Variants in DEPTOR observed in about 807,000 individuals in gnomAD.
The protein encoded by DEPTOR is DEP domain-containing mTOR-interacting protein.
Under a neutral mutation model 41.6 loss-of-function variants are expected in DEPTOR, and 41 were observed. The ratio of observed to expected loss-of-function variants is 0.98; its 90% CI spans 0.77 to 1.28. DEPTOR has a LOEUF of 1.28. Ranked by LOEUF, DEPTOR falls within the 50% of genes most tolerant of loss-of-function variation. DEPTOR has a pLI of 0.00. For synonymous variants in DEPTOR, 195 were observed against 192.3 expected (o/e 1.01, Z -0.12); for missense variants, 514 against 527.9 (o/e 0.97, Z 0.26).
intron 4 of DEPTOR, among the ~76,000 whole-genome samples, chr8:119,991,725 G>T (rs572584388): frequency 6.6e-6 from 1 of 152,084 alleles, no homozygotes; most frequent in South Asian, 2.1e-4. Context: ...GTGTACTAAG[G>T]TTAATAGCCT....
rs1812443918 is a variant in DEPTOR, at chr8:120,006,735, A to T, written c.926-70A>T. 2.2e-6 allele frequency: 3 copies of T among 1,394,470 alleles called. No individual in the cohort carries two copies. The Admixed American group carries it at 5.1e-5, about 24-fold the overall frequency. The allele number at this position is 1,394,470 out of a possible 1,614,324, so 86.4% of individuals were successfully genotyped here. The stretch of plus-strand genomic sequence containing the variant: ...TGATGGTCACCTACGAGATATCAAT[A>T]AATAGCTGCTGAATGCATGGATAGA... On this transcript the variant is annotated intron_variant, in intron 6 of 8. Coordinates refer to ENST00000286234, the MANE Select transcript of DEPTOR (RefSeq NM_022783.4).
intron 1 of DEPTOR, among the ~76,000 whole-genome samples, chr8:119,897,198 T>C (rs1827531154): frequency 6.6e-6 from 1 of 150,700 alleles, no homozygotes; most frequent in Non-Finnish European, 1.5e-5. Context: ...GTTTTACACA[T>C]AAGGGATAGA....
chr8:119,985,313 T>G (rs1282305783), intron 4 of DEPTOR, among the ~76,000 whole-genome samples: 1 of 152,206 alleles, frequency 6.6e-6, no homozygotes, highest in Non-Finnish European at 1.5e-5. Flanking sequence ...CCAGTGATGA[T>G]GAGCTTTTTT....
chr8:119,985,826 C>CTTTTTTTTTTTTTTTTTTTTTTTTTTTTT (rs999602227), intron 4 of DEPTOR, among the ~76,000 whole-genome samples: 2 of 41,604 alleles, frequency 4.8e-5, no homozygotes, highest in African/African-American at 1.1e-4. Context: ...AACCCCTGCT[C>CTTTTTTTTTTTTTTTTTTTTTTTTTTTTT]TTTTTTTTTT....
intron 4 of DEPTOR, among the ~76,000 whole-genome samples, chr8:119,966,098 T>C (rs146929057): frequency 6.6e-6 from 1 of 152,334 alleles, no homozygotes; most frequent in Non-Finnish European, 1.5e-5. Context: ...TAACAACTAC[T>C]TACAGAGTGT....
At chr8:119,977,565 G>A (rs908946) in intron 4 of DEPTOR, among the ~76,000 whole-genome samples, 112,950 of 152,130 alleles carry the variant, frequency 0.74, 42,097 homozygotes, top group Middle Eastern at 0.86. Flanking sequence ...ACTTTCTATT[G>A]TAGCTGAATC....
intron 8 of DEPTOR, among the ~76,000 whole-genome samples, chr8:120,033,697 C>T (rs1812930858): frequency 6.6e-6 from 1 of 152,150 alleles, no homozygotes; most frequent in South Asian, 2.1e-4. Context: ...GTGCTAGGCT[C>T]CTAAAGATGA....
chr8:119,892,845 C>T (rs1318737856), intron 1 of DEPTOR, among the ~76,000 whole-genome samples: 9 of 151,382 alleles, frequency 5.9e-5, no homozygotes, highest in African/African-American at 4.9e-5. Context: ...TGCAGTGGCA[C>T]GATCTTGGCT....
intron 8 of DEPTOR, among the ~76,000 whole-genome samples, chr8:120,012,506 A>T (rs1238084035): frequency 1.3e-5 from 2 of 150,610 alleles, no homozygotes; most frequent in Non-Finnish European, 3.0e-5. Context: ...GGCAATGGGA[A>T]TTTTTTTTTT....
In DEPTOR at chr8:120,009,064, G is replaced by A. The variant is rs777647166; in HGVS notation, c.1032G>A (p.Val344=). Residue 344 remains valine, a synonymous_variant, in exon 8 of 9, where the codon GTG becomes GTA. Coordinates refer to ENST00000286234, the MANE Select transcript of DEPTOR (RefSeq NM_022783.4). ...ACGCGGTTGGCTGGGGTTTTGTGGTGCGAGGAAGTAAGCCATGCCACATCC... is the reference window on the plus strand; with the variant it reads ...ACGCGGTTGGCTGGGGTTTTGTGGTACGAGGAAGTAAGCCATGCCACATCC... ...VGDAVGWGFV[V]RGSKPCHIQA... is the part of the protein sequence containing the mutation. The A allele has an allele frequency of 2.5e-6, 4 of 1,614,076 alleles. No individual in the cohort carries two copies. Among genetic ancestry groups the A allele is most frequent in the Non-Finnish European group, 3.4e-6 (4 of 1,180,008 alleles).
chr8:119,890,329 G>A (rs555872046), intron 1 of DEPTOR, among the ~76,000 whole-genome samples: 5 of 151,672 alleles, frequency 3.3e-5, no homozygotes, highest in Admixed American at 3.3e-4. Context: ...TTGAGACAGG[G>A]TCTCACTCTG....
intron 1 of DEPTOR, among the ~76,000 whole-genome samples, chr8:119,874,651 G>A (rs900459201): frequency 1.3e-5 from 2 of 152,024 alleles, no homozygotes; most frequent in Non-Finnish European, 1.5e-5. Context: ...CCAACTCCCC[G>A]GGCTCGCACG....
At chr8:120,033,274 A>G (rs962013404) in intron 8 of DEPTOR, among the ~76,000 whole-genome samples, 1 of 151,868 alleles carries the variant, frequency 6.6e-6, no homozygotes, top group African/African-American at 2.4e-5. Flanking sequence ...TTTAGTAGAG[A>G]CAGGGTTTCG....
At chr8:119,981,121 C>T (rs542457458) in intron 4 of DEPTOR, among the ~76,000 whole-genome samples, 9 of 152,298 alleles carry the variant, frequency 5.9e-5, no homozygotes, top group African/African-American at 2.2e-4. Context: ...AAGTTCCAAA[C>T]AACTGTTCTA....
chr8:119,972,651 G>A (rs1239866720), intron 4 of DEPTOR, among the ~76,000 whole-genome samples: 1 of 150,206 alleles, frequency 6.7e-6, no homozygotes, highest in Non-Finnish European at 1.5e-5. Context: ...AAAAAGTAAT[G>A]TGCTGAAGAT....
At chr8:119,941,521 C>T (rs1828204035) in intron 3 of DEPTOR, among the ~76,000 whole-genome samples, 1 of 151,702 alleles carries the variant, frequency 6.6e-6, no homozygotes, top group South Asian at 2.1e-4. Context: ...TATCAGTGTA[C>T]TGGCAAGCAA....
Position 119,991,127 on chromosome 8 carries a change from A to T in DEPTOR, c.605-10398A>T, listed in dbSNP as rs1164595855. 3.2e-4 allele frequency among the ~76,000 whole-genome samples: 29 copies of T among 89,474 alleles called. 2 individuals are homozygous for T. The highest frequency in any genetic ancestry group is 2.7e-3 in the Admixed American group (21 of 7,692). The allele number at this position is 89,474 out of a possible 152,430, so 58.7% of individuals were successfully genotyped here. A position where few individuals can be genotyped will look rare whatever the true frequency, so the allele number is the denominator to read the frequency against. ...TTCTTTCTTTCTTTCTTTTTTTTTT[A>T]AATCTTTTATTCTTGGTTTGGGGGT... On this transcript the variant is annotated intron_variant, in intron 4 of 8. Coordinates refer to ENST00000286234, the MANE Select transcript of DEPTOR (RefSeq NM_022783.4).
In DEPTOR at chr8:120,044,834, A is replaced by G. The variant is rs142365551; in HGVS notation, c.1102-4742A>G. 6.5e-4 allele frequency among the ~76,000 whole-genome samples: 99 copies of G among 152,328 alleles called. 1 individual carries two copies. The highest frequency in any genetic ancestry group is 2.3e-3 in the African/African-American group (96 of 41,582). On this transcript the variant is annotated intron_variant, in intron 8 of 8. Coordinates refer to ENST00000286234, the MANE Select transcript of DEPTOR (RefSeq NM_022783.4). ...ATTGAGAGGTTGCCTGCTATTTTGA[A>G]AAGGATCCTGCCTGTGATACTCTGC...
chr8:119,976,140 G>A (rs1447459807), intron 4 of DEPTOR, among the ~76,000 whole-genome samples: 2 of 151,804 alleles, frequency 1.3e-5, no homozygotes, highest in South Asian at 2.1e-4. Flanking sequence ...GGGATTGCAG[G>A]CATGAGCCAC....
Sources: gnomAD v4.1 joint callset for allele counts (sites outside exome capture counted in the v4.1 genomes callset) on GRCh38, gnomAD v4.1.1 for gene constraint, MANE v1.5 for transcripts, NCBI Gene and HGNC (gene_info 2026-07-23, HGNC 2026-07-21) for gene names.